Variants in TDP1 observed in about 807,000 individuals in gnomAD.
TDP1 encodes the protein tyrosyl-DNA phosphodiesterase 1.
In TDP1, 64 loss-of-function variants were observed where a neutral mutation model predicts 81.5. The observed-to-expected ratio is 0.79, with a 90% CI of 0.64 to 0.97. The LOEUF (loss-of-function observed/expected upper bound fraction) is 0.97. Among genes scored for constraint, TDP1 ranks in the 50% least tolerant of loss-of-function variants. The pLI is 0.00. For missense variants in TDP1, 723 were observed against 743.8 expected, an observed-to-expected ratio of 0.97 and a Z score of 0.33; for synonymous variants, 256 against 264.3, an observed-to-expected ratio of 0.97 and a Z score of 0.30.
intron 14 of TDP1, among the ~76,000 whole-genome samples, chr14:90,010,490 A>G (rs918081748): frequency 3.9e-5 from 6 of 152,190 alleles, no homozygotes; most frequent in Non-Finnish European, 8.8e-5. Flanking sequence ...TAGGTTTGCT[A>G]ATCAACTGAC....
At chr14:89,979,842 G>A (rs1894780073) in intron 7 of TDP1, among the ~76,000 whole-genome samples, 1 of 152,054 alleles carries the variant, frequency 6.6e-6, no homozygotes, top group Non-Finnish European at 1.5e-5. Context: ...TTCGACTAGA[G>A]GCCTGGGGAG....
chr14:89,961,148 G>A (rs1424890808), intron 2 of TDP1, among the ~76,000 whole-genome samples: 1 of 152,218 alleles, frequency 6.6e-6, no homozygotes, highest in African/African-American at 2.4e-5. Flanking sequence ...CGTGTGTTTT[G>A]TGCATCTCGT....
chr14:89,993,432 A>G lies in TDP1; in HGVS notation c.1490A>G (p.Tyr497Cys). The change falls in exon 14 of 17, where the codon TAT becomes TGT. Residue 497 changes from tyrosine (Y) to cysteine (C), a missense_variant. Transcript: ENST00000335725. ...RSNAMPHIKTYMRPSPDFSKI... is the reference protein window; with the variant it reads ...RSNAMPHIKTCMRPSPDFSKI... ...AATGCCATGCCACATATTAAGACAT[A>G]TATGAGGCCTTCTCCAGACTTCAGT... 1.2e-6 allele frequency: 2 copies of G among 1,613,938 alleles called. No individual in the cohort carries two copies. The highest frequency in any genetic ancestry group is 1.1e-5 in the South Asian group (1 of 91,074).
chr14:90,000,477 T>C (rs8017281), intron 14 of TDP1, among the ~76,000 whole-genome samples: 6,818 of 152,160 alleles, frequency 0.045, 512 homozygotes, highest in African/African-American at 0.15. Context: ...CTCTGCCTCC[T>C]GGGTTCAAGC....
At chr14:90,013,852 C>G (rs1238494623) in intron 14 of TDP1, among the ~76,000 whole-genome samples, 6 of 152,114 alleles carry the variant, frequency 3.9e-5, no homozygotes, top group Admixed American at 2.6e-4. Context: ...TTACTTGGCT[C>G]TCATTTTCTC....
Position 90,022,982 on chromosome 14 carries a change from C to G in TDP1, c.1644+3564C>G, listed in dbSNP as rs778460364. Reference sequence around the variant, plus strand: ...GTTCCAGTGGCCTGGGACTACCCACCTCCATACTCACTTCAGTCCCACACA... The same window carrying G: ...GTTCCAGTGGCCTGGGACTACCCACGTCCATACTCACTTCAGTCCCACACA... On this transcript the variant is annotated intron_variant, in intron 15 of 16. Coordinates refer to ENST00000335725, the MANE Select transcript of TDP1 (RefSeq NM_018319.4). The G allele has an allele frequency of 4.3e-5, 32 of 746,716 alleles. No homozygotes were observed. The East Asian group carries it at 7.9e-4, about 18-fold the overall frequency. The allele number at this position is 746,716 out of a possible 1,614,324, so 46.3% of individuals were successfully genotyped here.
chr14:89,992,334 T>C (rs1449009734), intron 13 of TDP1, among the ~76,000 whole-genome samples: 1 of 152,236 alleles, frequency 6.6e-6, no homozygotes. Context: ...CCGTCACACA[T>C]GCAGCTGCAA....
In TDP1 at chr14:89,985,825, A is replaced by C. The variant is rs1290448; in HGVS notation, c.1131+615A>C. 3.8e-3 allele frequency among the ~76,000 whole-genome samples: 584 copies of C among 152,234 alleles called. 2 individuals carry two copies. The highest frequency in any genetic ancestry group is 0.014 in the African/African-American group (564 of 41,548). On this transcript the variant is annotated intron_variant, in intron 10 of 16. Coordinates refer to ENST00000335725, the MANE Select transcript of TDP1 (RefSeq NM_018319.4). ...GGGCGGATCACAAGGTTAGGAGTTCAAGACCAGCCTGGCCAACGTGGTGAA... is the reference window on the plus strand; with the variant it reads ...GGGCGGATCACAAGGTTAGGAGTTCCAGACCAGCCTGGCCAACGTGGTGAA...
At chr14:90,000,644 C>T (rs1471517626) in intron 14 of TDP1, among the ~76,000 whole-genome samples, 3 of 152,208 alleles carry the variant, frequency 2.0e-5, no homozygotes, top group African/African-American at 7.2e-5. Context: ...CTCGGCCCCC[C>T]AAAGTGCTGG....
At chr14:90,015,540 C>G (rs1885208374) in intron 14 of TDP1, among the ~76,000 whole-genome samples, 1 of 152,208 alleles carries the variant, frequency 6.6e-6, no homozygotes, top group Non-Finnish European at 1.5e-5. Context: ...CCTCATTCAG[C>G]TCAGACTGCT....
At chr14:89,958,594 G>A (rs1002992255) in intron 2 of TDP1, among the ~76,000 whole-genome samples, 1 of 152,176 alleles carries the variant, frequency 6.6e-6, no homozygotes, top group Non-Finnish European at 1.5e-5. Flanking sequence ...ACTCAAAGGT[G>A]GGCATGACAA....
In TDP1 at chr14:89,963,444, C is replaced by G; in HGVS notation, c.330C>G (p.Ile110Met). The G allele has an allele frequency of 6.2e-7, 1 of 1,612,720 alleles. No individual in the cohort carries two copies. ...AGAAGCAGGCTGAGAAAGTGGTGAT[C>G]AAAAAGGAGAAAGACATCTCTGCTC... The part of the protein sequence containing the change: ...MPQKQAEKVV[I>M]KKEKDISAPN... The change falls in exon 3 of 17, where the codon ATC becomes ATG. Residue 110 changes from isoleucine (I) to methionine (M), a missense_variant. Coordinates refer to ENST00000335725, the MANE Select transcript of TDP1 (RefSeq NM_018319.4).
intron 15 of TDP1, among the ~76,000 whole-genome samples, chr14:90,022,145 A>G (rs941230538): frequency 9.2e-5 from 14 of 152,196 alleles, no homozygotes; most frequent in African/African-American, 3.4e-4. Context: ...CACCTGATAC[A>G]CCTAAGCAAT....
At chr14:89,969,189 C>T (rs1177098002) in intron 5 of TDP1, among the ~76,000 whole-genome samples, 1 of 152,138 alleles carries the variant, frequency 6.6e-6, no homozygotes, top group African/African-American at 2.4e-5. Context: ...TCTAAGCCTC[C>T]CAGTTTGTGG....
At chr14:90,031,404 C>G (rs1244309688) in intron 15 of TDP1, among the ~76,000 whole-genome samples, 1 of 151,962 alleles carries the variant, frequency 6.6e-6, no homozygotes, top group African/African-American at 2.4e-5. Flanking sequence ...CACCTGTAAT[C>G]CCAGCACTTT....
At chr14:90,036,332 G>A (rs891511851) in intron 16 of TDP1, among the ~76,000 whole-genome samples, 8 of 152,150 alleles carry the variant, frequency 5.3e-5, no homozygotes, top group African/African-American at 1.9e-4. Flanking sequence ...ATGGACTATA[G>A]AAAGGCATTT....
At chr14:90,032,981 C>G in intron 15 of TDP1, 125 bp from the exon 16 acceptor site, 1 of 1,154,202 alleles carries the variant, frequency 8.7e-7, no homozygotes, top group African/African-American at 1.6e-5. Flanking sequence ...TTGAAAATAC[C>G]TCCAAAATAA....
intron 10 of TDP1, chr14:89,988,570 TAAAA>T (rs754743210): frequency 1.5e-4 from 144 of 978,754 alleles, no homozygotes; most frequent in Non-Finnish European, 1.7e-4. Flanking sequence ...TGATTTCAAG[TAAAA>T]AAAATCTAAT....
chr14:90,001,627 A>G (rs1157046103), intron 14 of TDP1, among the ~76,000 whole-genome samples: 2 of 152,202 alleles, frequency 1.3e-5, no homozygotes, highest in African/African-American at 4.8e-5. Context: ...AACTGAATGA[A>G]TGGTATCCCC....
Sources: gnomAD v4.1 joint callset for allele counts (sites outside exome capture counted in the v4.1 genomes callset) on GRCh38, gnomAD v4.1.1 for gene constraint, MANE v1.5 for transcripts, NCBI Gene and HGNC (gene_info 2026-07-23, HGNC 2026-07-21) for gene names.